Variants in NEGR1 observed in about 807,000 individuals in gnomAD.
The protein encoded by NEGR1 is neuronal growth regulator 1.
In NEGR1, 10 loss-of-function variants were observed where a neutral mutation model predicts 40.9. The ratio of observed to expected loss-of-function variants is 0.24; its 90% CI spans 0.15 to 0.42. NEGR1 has a LOEUF of 0.42. Among genes scored for constraint, NEGR1 ranks in the 10% least tolerant of loss-of-function variants. The pLI is 1.00. For missense variants in NEGR1, 352 were observed against 438.9 expected (o/e 0.80, Z 1.77); for synonymous variants, 185 against 166.8 (o/e 1.11, Z -0.84).
chr1:72,183,737 G>A (rs895494969), intron 1 of NEGR1, among the ~76,000 whole-genome samples: 1 of 152,070 alleles, frequency 6.6e-6, no homozygotes, highest in African/African-American at 2.4e-5. Flanking sequence ...ATTACCTTCA[G>A]TACAATTTGC....
At chr1:72,048,534 CA>C (rs1647024255) in intron 1 of NEGR1, among the ~76,000 whole-genome samples, 1 of 151,366 alleles carries the variant, frequency 6.6e-6, no homozygotes, top group Non-Finnish European at 1.5e-5. Context: ...ATTTTTTCCC[CA>C]AAAGGGAACC....
At chr1:72,040,025 G>A (rs189823398) in intron 1 of NEGR1, among the ~76,000 whole-genome samples, 3 of 152,010 alleles carry the variant, frequency 2.0e-5, no homozygotes, top group Admixed American at 6.6e-5. Context: ...CTAATGTGAG[G>A]CTGAGAATAA....
Position 71,899,911 on chromosome 1 carries a change from C to A in NEGR1, c.409+35168G>T, listed in dbSNP as rs190813102. Reference sequence around the variant, plus strand: ...TCTAAATGCCCTGGCCCTGCAGCCACCCTTAAGAACTTTTGTTAACATTTC... The same window carrying A: ...TCTAAATGCCCTGGCCCTGCAGCCAACCTTAAGAACTTTTGTTAACATTTC... On this transcript the variant is annotated intron_variant, in intron 2 of 6. Coordinates refer to ENST00000357731, the MANE Select transcript of NEGR1 (RefSeq NM_173808.3). 3.3e-5 allele frequency among the ~76,000 whole-genome samples: 5 copies of A among 152,286 alleles called. No homozygotes were observed. The East Asian group carries it at 9.7e-4, about 29-fold the overall frequency.
intron 1 of NEGR1, among the ~76,000 whole-genome samples, chr1:72,244,591 TG>T (rs1357394835): frequency 6.6e-6 from 1 of 151,936 alleles, no homozygotes. Context: ...TCTTATTATT[TG>T]TGGTAGTTAT....
chr1:71,584,376 A>G (rs951046602), intron 6 of NEGR1, among the ~76,000 whole-genome samples: 9 of 152,202 alleles, frequency 5.9e-5, no homozygotes, highest in Admixed American at 3.9e-4. Flanking sequence ...ATGGCCAAAA[A>G]AAGAGCCAAT....
intron 5 of NEGR1, among the ~76,000 whole-genome samples, chr1:71,607,123 A>G (rs1650097231): frequency 6.6e-6 from 1 of 152,236 alleles, no homozygotes; most frequent in Non-Finnish European, 1.5e-5. Flanking sequence ...TCTTGCAGAA[A>G]TAAACTCTGT....
At chr1:72,224,339 A>G (rs1166623487) in intron 1 of NEGR1, among the ~76,000 whole-genome samples, 1 of 150,616 alleles carries the variant, frequency 6.6e-6, no homozygotes, top group East Asian at 1.9e-4. Flanking sequence ...ATGCATGACC[A>G]TATTATTTGA....
intron 6 of NEGR1, among the ~76,000 whole-genome samples, chr1:71,455,926 T>C (rs1188793673): frequency 6.6e-6 from 1 of 152,234 alleles, no homozygotes; most frequent in East Asian, 1.9e-4. Context: ...TGCAATATCA[T>C]GTGTTGCTCC....
chr1:71,795,762 G>C (rs965365152), intron 2 of NEGR1, among the ~76,000 whole-genome samples: 1 of 152,102 alleles, frequency 6.6e-6, no homozygotes, highest in Non-Finnish European at 1.5e-5. Flanking sequence ...CAAAAAGCCA[G>C]TTGGGAAAGA....
intron 1 of NEGR1, among the ~76,000 whole-genome samples, chr1:72,135,088 A>C (rs529105089): frequency 6.7e-6 from 1 of 150,202 alleles, no homozygotes; most frequent in African/African-American, 2.4e-5. Flanking sequence ...TGTAAGAAAT[A>C]ACTTTCGGCC....
chr1:71,643,038 T>G (rs899868929), intron 4 of NEGR1, among the ~76,000 whole-genome samples: 1 of 151,974 alleles, frequency 6.6e-6, no homozygotes, highest in African/African-American at 2.4e-5. Flanking sequence ...AACCATAAAC[T>G]TGGTGCTACC....
At chr1:72,233,590 C>G (rs1654450742) in intron 1 of NEGR1, among the ~76,000 whole-genome samples, 1 of 152,068 alleles carries the variant, frequency 6.6e-6, no homozygotes, top group Non-Finnish European at 1.5e-5. Context: ...ATAATGGCCT[C>G]CAGCTGCAAG....
chr1:72,070,984 T>A (rs1647439853), intron 1 of NEGR1, among the ~76,000 whole-genome samples: 1 of 152,078 alleles, frequency 6.6e-6, no homozygotes, highest in Admixed American at 6.6e-5. Flanking sequence ...AAGCCCAATC[T>A]CTGTTTGCAT....
intron 1 of NEGR1, among the ~76,000 whole-genome samples, chr1:72,083,808 T>C (rs558590826): frequency 1.3e-5 from 2 of 152,204 alleles, no homozygotes; most frequent in Non-Finnish European, 2.9e-5. Context: ...ATGCCCATTT[T>C]CCCTCTACAT....
At chr1:71,594,823 C>T (rs534061881) in intron 5 of NEGR1, among the ~76,000 whole-genome samples, 2 of 152,182 alleles carry the variant, frequency 1.3e-5, no homozygotes, top group African/African-American at 2.4e-5. Flanking sequence ...AGCACTATAA[C>T]TTGAATTTGC....
intron 6 of NEGR1, among the ~76,000 whole-genome samples, chr1:71,555,066 G>C (rs1648212097): frequency 6.6e-6 from 1 of 151,512 alleles, no homozygotes; most frequent in Non-Finnish European, 1.5e-5. Flanking sequence ...CTAAGGAGCA[G>C]CCACTTCGAA....
At chr1:72,235,901 A>G (rs1238447917) in intron 1 of NEGR1, among the ~76,000 whole-genome samples, 2 of 152,204 alleles carry the variant, frequency 1.3e-5, no homozygotes, top group South Asian at 4.1e-4. Context: ...GTATTTATGA[A>G]AGTGAATTTT....
intron 3 of NEGR1, among the ~76,000 whole-genome samples, chr1:71,704,665 A>G (rs1258113194): frequency 6.6e-6 from 1 of 151,980 alleles, no homozygotes; most frequent in African/African-American, 2.4e-5. Flanking sequence ...GATCACTCAC[A>G]GAGAAAACTT....
chr1:71,625,856 AT>A (rs199582210), intron 4 of NEGR1, among the ~76,000 whole-genome samples: 190 of 151,300 alleles, frequency 1.3e-3, no homozygotes, highest in Admixed American at 3.6e-3. Flanking sequence ...ATACCTTATA[AT>A]TTTTTTTTAT....
Sources: gnomAD v4.1 joint callset for allele counts (sites outside exome capture counted in the v4.1 genomes callset) on GRCh38, gnomAD v4.1.1 for gene constraint, MANE v1.5 for transcripts, NCBI Gene and HGNC (gene_info 2026-07-23, HGNC 2026-07-21) for gene names.